PARD3B: variants seen among roughly 807,000 people sequenced by gnomAD.
PARD3B encodes the protein partitioning defective 3 homolog B.
Under a neutral mutation model 130.2 loss-of-function variants are expected in PARD3B, and 103 were observed. The observed-to-expected ratio is 0.79, with a 90% CI of 0.67 to 0.93. PARD3B has a LOEUF of 0.93. Ranked by LOEUF, PARD3B falls within the 40% of genes least tolerant of loss-of-function variation. The pLI is 0.00. For synonymous variants in PARD3B, 583 were observed against 553.2 expected (o/e 1.05, Z -0.76); for missense variants, 1,609 against 1,499.2 (o/e 1.07, Z -1.21).
intron 15 of PARD3B, among the ~76,000 whole-genome samples, chr2:205,202,262 G>A (rs2037036799): frequency 6.6e-6 from 1 of 152,122 alleles, no homozygotes; most frequent in Non-Finnish European, 1.5e-5. Context: ...GCGGAATAAG[G>A]CAGATTCTGT....
At chr2:205,392,763 A>C (rs1004538550) in intron 18 of PARD3B, among the ~76,000 whole-genome samples, 2 of 152,150 alleles carry the variant, frequency 1.3e-5, no homozygotes, top group African/African-American at 4.8e-5. Flanking sequence ...CTGTTGTGAA[A>C]AGCATCCTGG....
At chr2:204,902,317 T>C (rs1434330068) in intron 2 of PARD3B, among the ~76,000 whole-genome samples, 1 of 152,130 alleles carries the variant, frequency 6.6e-6, no homozygotes, top group Admixed American at 6.5e-5. Flanking sequence ...GATTAAAATA[T>C]GGGTTATAAG....
chr2:205,226,289 C>T (rs530501985), intron 15 of PARD3B, among the ~76,000 whole-genome samples: 2 of 152,214 alleles, frequency 1.3e-5, no homozygotes, highest in Non-Finnish European at 2.9e-5. Flanking sequence ...GATCCGCCCG[C>T]CTTGGCCTCC....
chr2:204,749,719 T>C (rs191184244), intron 2 of PARD3B, among the ~76,000 whole-genome samples: 1 of 152,282 alleles, frequency 6.6e-6, no homozygotes, highest in East Asian at 1.9e-4. Flanking sequence ...GGTAAAAACA[T>C]GTGGGCTAAC....
At position 204,783,355 on chromosome 2, in the gene PARD3B, G is replaced by A. The variant is rs551508841; in HGVS notation, c.222+97073G>A. 3.1e-4 allele frequency among the ~76,000 whole-genome samples: 47 copies of A among 152,112 alleles called. No individual in the cohort carries two copies. The East Asian group carries it at 9.1e-3, about 29-fold the overall frequency. On this transcript the variant is annotated intron_variant, in intron 2 of 22. Coordinates refer to ENST00000406610, the MANE Select transcript of PARD3B (RefSeq NM_001302769.2). ...CCTTATGTGGCCTGTTCTCTGTGTGGGTATGGAAAGAGAGAGAGATCTTTA... is the reference window on the plus strand; with the variant it reads ...CCTTATGTGGCCTGTTCTCTGTGTGAGTATGGAAAGAGAGAGAGATCTTTA...
At chr2:205,057,745 A>ACGTG (rs1699821681) in intron 4 of PARD3B, among the ~76,000 whole-genome samples, 1 of 150,338 alleles carries the variant, frequency 6.7e-6, no homozygotes, top group African/African-American at 2.4e-5. Context: ...GTATGTGTAT[A>ACGTG]TATGTATGTG....
intron 1 of PARD3B, among the ~76,000 whole-genome samples, chr2:204,580,769 A>G (rs11904833): frequency 0.045 from 6,833 of 152,278 alleles, 421 homozygotes; most frequent in East Asian, 0.14. Context: ...GAAGGGCTCT[A>G]TAAGAGAGAC....
At position 204,935,164 on chromosome 2, in the gene PARD3B, AC is replaced by A. The variant is rs1383151048; in HGVS notation, c.223-29987del. On this transcript the variant is annotated intron_variant, in intron 2 of 22. Transcript: ENST00000406610. ...TTCCCTACTTTTTTTTTTTTTTTTT[AC>A]ATTTCTCTATCCTGTTCACATAAGA... is the stretch of plus-strand genomic sequence containing the variant. Among the ~76,000 whole-genome samples the A allele has an allele frequency of 5.1e-5, 4 of 79,172 alleles. No homozygotes were observed. The South Asian group carries it at 9.7e-4, about 19-fold the overall frequency. 51.9% of individuals were successfully genotyped at this position (79,172 alleles called of 152,430 possible). A position where few individuals can be genotyped will look rare whatever the true frequency, so the allele number is the denominator to read the frequency against.
At chr2:204,905,752 A>C (rs1282150497) in intron 2 of PARD3B, among the ~76,000 whole-genome samples, 1 of 152,196 alleles carries the variant, frequency 6.6e-6, no homozygotes, top group Non-Finnish European at 1.5e-5. Context: ...TTTACTAGGC[A>C]GCTGCCCTCT....
chr2:204,677,020 C>T lies in PARD3B; in HGVS notation c.121-9161C>T, dbSNP rs76258866. 0.036 allele frequency among the ~76,000 whole-genome samples: 5,496 copies of T among 152,138 alleles called. 276 individuals carry two copies. The highest frequency in any genetic ancestry group is 0.14 in the East Asian group (728 of 5,160). The stretch of plus-strand genomic sequence containing the variant: ...TTACGCTGAGTTTCTACCTCTCTAT[C>T]GTCTATGTATCATTTCTAGAACAGC... On this transcript the variant is annotated intron_variant, in intron 1 of 22. Transcript: ENST00000406610. The surrounding 1 kb of genome is among the most constrained non-coding windows in gnomAD (Gnocchi z 4.1).
chr2:204,858,772 A>G (rs1440632114), intron 2 of PARD3B, among the ~76,000 whole-genome samples: 1 of 148,302 alleles, frequency 6.7e-6, no homozygotes, highest in African/African-American at 2.4e-5. Context: ...TATATTATAT[A>G]TACATATATA....
chr2:205,451,084 A>G (rs1328455786), intron 20 of PARD3B, among the ~76,000 whole-genome samples: 5 of 152,172 alleles, frequency 3.3e-5, no homozygotes, highest in African/African-American at 1.2e-4. Context: ...CAGCTGATAC[A>G]CATGTGTCTC....
At chr2:205,144,767 G>A (rs1204768390) in intron 10 of PARD3B, among the ~76,000 whole-genome samples, 3 of 152,060 alleles carry the variant, frequency 2.0e-5, no homozygotes, top group East Asian at 1.9e-4. Flanking sequence ...TTGGAATTTC[G>A]AATTATTTAT....
chr2:204,752,762 C>T (rs1018743346), intron 2 of PARD3B, among the ~76,000 whole-genome samples: 3 of 152,244 alleles, frequency 2.0e-5, no homozygotes, highest in Middle Eastern at 3.4e-3. Context: ...TGGCCTATCT[C>T]CCATTCCCTG....
intron 1 of PARD3B, among the ~76,000 whole-genome samples, chr2:204,579,300 A>C (rs1174058640): frequency 6.6e-6 from 1 of 151,846 alleles, no homozygotes; most frequent in African/African-American, 2.4e-5. Flanking sequence ...CAGGAAATCC[A>C]GGGTCTAGTA....
chr2:205,238,886 G>GTGTA (rs1258841331), intron 15 of PARD3B, among the ~76,000 whole-genome samples: 40 of 92,126 alleles, frequency 4.3e-4, no homozygotes, highest in African/African-American at 1.3e-3. Context: ...ATGTATGTGT[G>GTGTA]TATATATATA....
At chr2:204,743,613 T>C (rs984482448) in intron 2 of PARD3B, among the ~76,000 whole-genome samples, 1 of 152,188 alleles carries the variant, frequency 6.6e-6, no homozygotes, top group Admixed American at 6.5e-5. Context: ...GCCAGCTCAT[T>C]TGGGTTTCTA....
Position 204,610,148 on chromosome 2 carries a change from C to A in PARD3B, c.120+64029C>A, listed in dbSNP as rs1259896443. ...GTTTAAGGAGGTTTGTCCCACCTCC[C>A]TTCCCATCGTGGCTGGAAATTCAGT... On this transcript the variant is annotated intron_variant, in intron 1 of 22. Coordinates refer to ENST00000406610, the MANE Select transcript of PARD3B (RefSeq NM_001302769.2). This position sits in a 1 kb window ranked among gnomAD's most constrained non-coding sequence, Gnocchi z 4.1. Among the ~76,000 whole-genome samples the A allele has an allele frequency of 2.0e-5, 3 of 152,086 alleles. No homozygotes were observed. Among genetic ancestry groups the A allele is most frequent in the Non-Finnish European group, 4.4e-5 (3 of 68,018 alleles).
intron 2 of PARD3B, among the ~76,000 whole-genome samples, chr2:204,921,891 G>T (rs2047694549): frequency 6.6e-6 from 1 of 152,122 alleles, no homozygotes; most frequent in Non-Finnish European, 1.5e-5. Flanking sequence ...TGTGACAGAT[G>T]CAAAAGTTAT....
Sources: allele counts gnomAD v4.1 joint callset (sites outside exome capture counted in the v4.1 genomes callset), GRCh38; gene constraint gnomAD v4.1.1; non-coding constraint Gnocchi (gnomAD v3.1); transcripts MANE v1.5; gene names NCBI Gene and HGNC (gene_info 2026-07-23, HGNC 2026-07-21).